The following PCGF5 variants were observed in gnomAD, a reference collection of about 807,000 sequenced individuals.
PCGF5 encodes the protein polycomb group RING finger protein 5.
In PCGF5, 9 loss-of-function variants were observed where a neutral mutation model predicts 44.3. The observed-to-expected ratio is 0.20, with a 90% CI of 0.12 to 0.35. PCGF5 has a LOEUF of 0.35. PCGF5 is among the 10% of genes least tolerant of loss of function. The probability of loss-of-function intolerance (pLI) is 1.00; values close to 1 mark genes in which losing one functional copy is unlikely to be tolerated. For missense variants in PCGF5, 146 were observed against 305.3 expected (o/e 0.48, Z 3.89); for synonymous variants, 95 against 102.5 (o/e 0.93, Z 0.44).
chr10:91,258,720 C>T (rs1013128631), intron 6 of PCGF5, among the ~76,000 whole-genome samples: 1 of 152,070 alleles, frequency 6.6e-6, no homozygotes, highest in African/African-American at 2.4e-5. Context: ...CTAGAATATC[C>T]GTCTTCACAT....
At chr10:91,260,094 G>A (rs962260085) in intron 6 of PCGF5, among the ~76,000 whole-genome samples, 1 of 131,628 alleles carries the variant, frequency 7.6e-6, no homozygotes, top group Non-Finnish European at 1.6e-5. Flanking sequence ...TCCAGAATCT[G>A]CAATGAACTC....
chr10:91,195,617 G>T (rs1844120509), intron 1 of PCGF5, among the ~76,000 whole-genome samples: 1 of 147,346 alleles, frequency 6.8e-6, no homozygotes, highest in Non-Finnish European at 1.5e-5. Context: ...TAATTTTTTT[G>T]TAGAGATGAG....
At chr10:91,257,947 A>T (rs1308874481) in intron 6 of PCGF5, among the ~76,000 whole-genome samples, 2 of 152,166 alleles carry the variant, frequency 1.3e-5, no homozygotes, top group African/African-American at 4.8e-5. Flanking sequence ...AATGAAAGGA[A>T]ATGTGATACT....
chr10:91,218,066 C>T (rs1265254851), upstream of PCGF5, among the ~76,000 whole-genome samples: 3 of 152,176 alleles, frequency 2.0e-5, no homozygotes, highest in Non-Finnish European at 4.4e-5. Context: ...GGATTACAGG[C>T]GTGAGCCACC....
intron 2 of PCGF5, among the ~76,000 whole-genome samples, chr10:91,238,715 C>T (rs184845729): frequency 2.2e-4 from 31 of 139,784 alleles, no homozygotes; most frequent in African/African-American, 8.0e-4. Flanking sequence ...AATTCAGCTT[C>T]TCTGTCTTCT....
intron 9 of PCGF5, among the ~76,000 whole-genome samples, chr10:91,272,418 T>C (rs1252069188): frequency 6.6e-6 from 1 of 152,004 alleles, no homozygotes; most frequent in Non-Finnish European, 1.5e-5. Context: ...GCTGAGGATG[T>C]AGGATTGCTT....
chr10:91,217,045 T>C (rs1009679829), upstream of PCGF5, among the ~76,000 whole-genome samples: 2 of 151,730 alleles, frequency 1.3e-5, no homozygotes. Context: ...TCACCTTTTT[T>C]TTTTGAGACA....
At chr10:91,198,863 T>A (rs989284679) in intron 1 of PCGF5, among the ~76,000 whole-genome samples, 18 of 152,246 alleles carry the variant, frequency 1.2e-4, no homozygotes, top group Non-Finnish European at 7.4e-5. Flanking sequence ...TTTGGCTGAG[T>A]GTGTTTCGTA....
upstream of PCGF5, among the ~76,000 whole-genome samples, chr10:91,162,435 C>T (rs889842004): frequency 6.6e-6 from 1 of 152,108 alleles, no homozygotes; most frequent in Admixed American, 6.5e-5. Context: ...GCCAGGGAGG[C>T]ATACTGACAT....
At chr10:91,274,278 G>A (rs1056787418) in intron 9 of PCGF5, among the ~76,000 whole-genome samples, 8 of 152,158 alleles carry the variant, frequency 5.3e-5, no homozygotes, top group Non-Finnish European at 1.0e-4. Context: ...ATCAGCAGGT[G>A]CTTCGATCAG....
At chr10:91,190,323 G>T (rs1409609297) in intron 1 of PCGF5, among the ~76,000 whole-genome samples, 1 of 152,144 alleles carries the variant, frequency 6.6e-6, no homozygotes, top group Non-Finnish European at 1.5e-5. Context: ...TATGAATTTT[G>T]GGGGAATTCA....
chr10:91,248,026 T>C (rs35843976), intron 3 of PCGF5, among the ~76,000 whole-genome samples: 19,849 of 152,088 alleles, frequency 0.13, 2,429 homozygotes, highest in African/African-American at 0.32. Context: ...AAAATGGCCT[T>C]AGCAGGGCAG....
At chr10:91,276,918 G>A (rs1846330431) in intron 9 of PCGF5, among the ~76,000 whole-genome samples, 2 of 152,202 alleles carry the variant, frequency 1.3e-5, no homozygotes, top group South Asian at 4.1e-4. Flanking sequence ...CCAGAGTTTA[G>A]TAAAATGGAG....
intron 6 of PCGF5, among the ~76,000 whole-genome samples, chr10:91,257,630 C>T (rs2133399782): frequency 6.6e-6 from 1 of 152,196 alleles, no homozygotes; most frequent in South Asian, 2.1e-4. Context: ...GGAGGATTCA[C>T]AACCTGGGCA....
upstream of PCGF5, among the ~76,000 whole-genome samples, chr10:91,218,934 T>A (rs1328038165): frequency 6.6e-6 from 1 of 152,202 alleles, no homozygotes; most frequent in African/African-American, 2.4e-5. Flanking sequence ...GGCCTATTAT[T>A]ATTTTTTTAA....
At chr10:91,271,282 A>G (rs1224708225) in intron 8 of PCGF5, among the ~76,000 whole-genome samples, 1 of 152,162 alleles carries the variant, frequency 6.6e-6, no homozygotes, top group Non-Finnish European at 1.5e-5. Context: ...TCTAGGAGAC[A>G]GTGATCAGAG....
In PCGF5 at chr10:91,281,692, A is replaced by AAG. The variant is rs1445893999; in HGVS notation, c.*3376_*3377insAG. ...TTTAGATTGCAATTTAATTTTATAT[A>AAG]GTTAGGCAATAACCTTGATTAATTG... On this transcript the variant is annotated 3_prime_UTR_variant, in exon 10 of 10. Coordinates refer to ENST00000336126, the MANE Select transcript of PCGF5 (RefSeq NM_032373.5). 1 of 152,616 alleles carries AAG rather than the reference A, an allele frequency of 6.6e-6. No homozygotes were observed. The highest frequency in any genetic ancestry group is 1.5e-5 in the Non-Finnish European group (1 of 68,024). 9.5% of individuals were successfully genotyped at this position (152,616 alleles called of 1,614,324 possible).
intron 8 of PCGF5, 26 bp downstream of exon 8, chr10:91,264,546 G>A: frequency 6.6e-7 from 1 of 1,523,994 alleles, no homozygotes. Context: ...ATTTACCTAT[G>A]TGTTTATTTA....
chr10:91,284,101 T>C lies in PCGF5; in HGVS notation c.*5785T>C, dbSNP rs13675. 0.14 allele frequency: 21,748 copies of C among 152,606 alleles called. 1,988 individuals carry two copies. The highest frequency in any genetic ancestry group is 0.21 in the Non-Finnish European group (14,088 of 67,966). The allele number at this position is 152,606 out of a possible 1,614,324, so 9.5% of individuals were successfully genotyped here. On this transcript the variant is annotated 3_prime_UTR_variant, in exon 10 of 10. Coordinates refer to ENST00000336126, the MANE Select transcript of PCGF5 (RefSeq NM_032373.5). Reference sequence around the variant, plus strand: ...TCTCCTTAAATATTTTTTATTTTTGTGCTCAAATGTATTTTCTGTTGATCT... The same window carrying C: ...TCTCCTTAAATATTTTTTATTTTTGCGCTCAAATGTATTTTCTGTTGATCT...
Sources: allele counts gnomAD v4.1 joint callset (sites outside exome capture counted in the v4.1 genomes callset), GRCh38; gene constraint gnomAD v4.1.1; transcripts MANE v1.5; gene names NCBI Gene and HGNC (gene_info 2026-07-23, HGNC 2026-07-21).